The following TMC3 variants were observed in gnomAD, a reference collection of about 807,000 sequenced individuals.
TMC3 encodes transmembrane channel like 3.
A neutral mutation model predicts 110.6 loss-of-function variants in TMC3; 98 were observed. The ratio of observed to expected loss-of-function variants is 0.89; its 90% confidence interval spans 0.75 to 1.05. The LOEUF (loss-of-function observed/expected upper bound fraction) is 1.05. Among genes scored for constraint, TMC3 ranks in the 50% least tolerant of loss-of-function variants. The pLI, the probability that TMC3 is intolerant of heterozygous loss-of-function variation, is 0.00. For synonymous variants in TMC3, 489 were observed against 513.1 expected, an observed-to-expected ratio of 0.95 and a Z score of 0.63; for missense variants, 1,319 against 1,373.2, an observed-to-expected ratio of 0.96 and a Z score of 0.62.
At chr15:81,340,067 C>G (rs1893680374) in intron 16 of TMC3, among the ~76,000 whole-genome samples, 1 of 152,348 alleles carries the variant, frequency 6.6e-6, no homozygotes, top group African/African-American at 2.4e-5. Flanking sequence ...AAGCTAGTGT[C>G]AGGGAGTTTG....
rs1228968746 is a variant in TMC3 at position 81,333,323 on chromosome 15, GGACTGT to G, written c.2460-67_2460-62del. ...GGTGGTCTCAGAGCCCCACACCTGA[GGACTGT>G]GAGCTGTGAGCAGTTCTCTGAGCAT... On this transcript the variant is annotated intron_variant, in intron 21 of 21. Transcript: ENST00000359440. The G allele has an allele frequency of 1.2e-5, 19 of 1,546,370 alleles. No individual in the cohort carries two copies. The East Asian group carries it at 3.8e-4, about 31-fold the overall frequency.
chr15:81,334,687 C>A, intron 21 of TMC3, 33 bp downstream of exon 21: 1 of 1,585,778 alleles, frequency 6.3e-7, no homozygotes, highest in Non-Finnish European at 8.6e-7. Flanking sequence ...TCTCACATTC[C>A]AGGTTTTAAT....
At chr15:81,372,244 T>C (rs1894449308) in intron 2 of TMC3, among the ~76,000 whole-genome samples, 1 of 151,686 alleles carries the variant, frequency 6.6e-6, no homozygotes, top group South Asian at 2.1e-4. Context: ...TAAAATCTAG[T>C]GTTTAGAAAG....
chr15:81,333,258 G>A lies in TMC3; in HGVS notation c.2464C>T (p.Leu822=), dbSNP rs369520987. The A allele has an allele frequency of 4.4e-6, 7 of 1,604,752 alleles. No homozygotes were observed. Among genetic ancestry groups the A allele is most frequent in the South Asian group, 2.2e-5 (2 of 89,848 alleles). The stretch of plus-strand genomic sequence containing the variant: ...CTGGTGCTTGCACACAGACCGTGCA[G>A]ATACCTGTAAGACAGGGGCGGTTAA... The part of the protein sequence containing the change: ...SRLEHETNRY[L]HGLCASTSDL... Residue 822 remains leucine, a synonymous_variant, in exon 22 of 22, where the codon CTG becomes TTG. Coordinates refer to ENST00000359440, the MANE Select transcript of TMC3 (RefSeq NM_001080532.3).
rs1894362592 is a variant in TMC3 at position 81,368,331 on chromosome 15, A to G, written c.237-3T>C. 12 of 1,612,192 alleles carry G rather than the reference A, an allele frequency of 7.4e-6. No homozygotes were observed. The highest frequency in any genetic ancestry group is 1.7e-5 in the Admixed American group (1 of 59,974). ...TCAGCACAATGTTCTTCGCTTGTCT[A>G]AGAGAAGAAAAACATGATGGTGAAC... On this transcript the variant is annotated splice_polypyrimidine_tract_variant and splice_region_variant and intron_variant, in intron 2 of 21. Coordinates refer to ENST00000359440, the MANE Select transcript of TMC3 (RefSeq NM_001080532.3).
chr15:81,342,992 C>T (rs1596081846), intron 15 of TMC3: 4 of 309,230 alleles, frequency 1.3e-5, no homozygotes, highest in Admixed American at 4.6e-5. Context: ...TTCCAGCCTT[C>T]CCCAAGTCCT....
chr15:81,362,180 C>A, intron 4 of TMC3, 40 bp downstream of exon 4: 1 of 1,535,814 alleles, frequency 6.5e-7, no homozygotes, highest in East Asian at 2.4e-5. Flanking sequence ...TGGCCACTAG[C>A]ATTGCATTCC....
chr15:81,367,529 T>TG (rs2141425378), intron 3 of TMC3, among the ~76,000 whole-genome samples: 2 of 152,256 alleles, frequency 1.3e-5, no homozygotes, highest in East Asian at 3.9e-4. Context: ...AGTAACTGAA[T>TG]GGGAAAAATA....
rs745790608 is a variant in TMC3, at chr15:81,333,236, G to A, written c.2486C>T (p.Thr829Ile). The change falls in exon 22 of 22, where the codon ACC (threonine) becomes ATC (isoleucine). Residue 829 changes from threonine to isoleucine, a missense_variant. Coordinates refer to ENST00000359440, the MANE Select transcript of TMC3 (RefSeq NM_001080532.3). Reference protein sequence around the residue: ...NRYLHGLCASTSDLHRNRSRT... With the variant: ...NRYLHGLCASISDLHRNRSRT... ...CGATCTGTTCCTGTGAAGGTCACTG[G>A]TGCTTGCACACAGACCGTGCAGATA... is the stretch of plus-strand genomic sequence containing the variant. The A allele has an allele frequency of 6.2e-7, 1 of 1,612,814 alleles. No homozygotes were observed. Among genetic ancestry groups the A allele is most frequent in the East Asian group, 2.2e-5 (1 of 44,876 alleles).
intron 21 of TMC3, 132 bp from the exon 22 acceptor site, chr15:81,333,394 T>C (rs1406908983): frequency 8.1e-7 from 1 of 1,241,116 alleles, no homozygotes; most frequent in East Asian, 2.5e-5. Context: ...TGGGTATGGA[T>C]TGTGTGCACA....
At chr15:81,358,991 A>G (rs531006003) in intron 5 of TMC3, among the ~76,000 whole-genome samples, 11 of 152,298 alleles carry the variant, frequency 7.2e-5, no homozygotes, top group Admixed American at 2.6e-4. Flanking sequence ...GCCTTTTTGT[A>G]TGGCCCAAGA....
rs1893819055 is a variant in TMC3, at chr15:81,345,969, G to A, written c.1272+396C>T. ...TGGGATAGTAAGTCCCCTCTGAACT[G>A]TTCCCCATGAAATGATTATTCTGTC... is the stretch of plus-strand genomic sequence containing the variant. On this transcript the variant is annotated intron_variant, in intron 12 of 21. Transcript: ENST00000359440. Among the ~76,000 whole-genome samples, 3 of 152,144 alleles carry A rather than the reference G, an allele frequency of 2.0e-5. No individual in the cohort carries two copies. In the South Asian group the frequency reaches 6.2e-4, roughly 31 times the overall value.
chr15:81,336,672 A>G, intron 19 of TMC3, 21 bp from the exon 20 acceptor site: 8 of 1,613,684 alleles, frequency 5.0e-6, no homozygotes, highest in Non-Finnish European at 6.8e-6. Context: ...AATGATATGC[A>G]TGTTTGTTTT....
intron 2 of TMC3, among the ~76,000 whole-genome samples, chr15:81,368,700 C>T (rs1894370820): frequency 6.6e-6 from 1 of 152,148 alleles, no homozygotes; most frequent in Non-Finnish European, 1.5e-5. Context: ...CAATTTTCCT[C>T]TTGCAGTCAA....
intron 3 of TMC3, among the ~76,000 whole-genome samples, chr15:81,366,989 A>G (rs1199098885): frequency 1.3e-5 from 2 of 152,216 alleles, no homozygotes; most frequent in African/African-American, 4.8e-5. Context: ...AATAATGGCG[A>G]TATAAATCAT....
chr15:81,336,572 C>CA (rs750074197), intron 20 of TMC3, 37 bp downstream of exon 20: 19 of 1,609,574 alleles, frequency 1.2e-5, no homozygotes, highest in African/African-American at 1.1e-4. Context: ...TGCCTCAAAA[C>CA]AAAAAAACAA....
At chr15:81,346,226 C>T in intron 12 of TMC3, 139 bp downstream of exon 12, 2 of 798,798 alleles carry the variant, frequency 2.5e-6, no homozygotes, top group Non-Finnish European at 4.2e-6. Context: ...GAGAAGACTC[C>T]AGCAAAGTCA....
chr15:81,364,296 T>G (rs1257608656), intron 3 of TMC3, among the ~76,000 whole-genome samples: 1 of 152,078 alleles, frequency 6.6e-6, no homozygotes, highest in Non-Finnish European at 1.5e-5. Context: ...CTAAAGGAAC[T>G]TCTTAAAGGA....
intron 21 of TMC3, among the ~76,000 whole-genome samples, chr15:81,333,511 G>C (rs1201587024): frequency 6.6e-6 from 1 of 152,228 alleles, no homozygotes; most frequent in Admixed American, 6.5e-5. Context: ...AGAGCGAGGG[G>C]TGTTATGCTA....
Sources: gnomAD v4.1 joint callset for allele counts (sites outside exome capture counted in the v4.1 genomes callset) on GRCh38, gnomAD v4.1.1 for gene constraint, MANE v1.5 for transcripts, NCBI Gene and HGNC (gene_info 2026-07-23, HGNC 2026-07-21) for gene names.